The following LRRC74A variants were observed in gnomAD, a reference collection of about 807,000 sequenced individuals.
LRRC74A encodes the protein leucine rich repeat containing 74A, also known as leucine-rich repeat-containing protein 74A.
LRRC74A carries 44 observed loss-of-function variants against 57.9 expected under a neutral mutation model. The ratio of observed to expected loss-of-function variants is 0.76; its 90% CI spans 0.60 to 0.98. The LOEUF (loss-of-function observed/expected upper bound fraction) is 0.98. LRRC74A is among the 50% of genes least tolerant of loss of function. LRRC74A has a pLI of 0.00. For missense variants in LRRC74A, 572 were observed against 574.0 expected (o/e 1.00, Z 0.04); for synonymous variants, 211 against 219.4 (o/e 0.96, Z 0.34).
chr14:76,857,322 T>C, intron 9 of LRRC74A, 58 bp from the exon 10 acceptor site: 1 of 1,099,994 alleles, frequency 9.1e-7, no homozygotes, highest in Non-Finnish European at 1.4e-6. Context: ...GAAACTGTGC[T>C]CTGGGCCAGC....
chr14:76,843,466 C>T (rs928549667), intron 5 of LRRC74A, among the ~76,000 whole-genome samples: 2 of 152,070 alleles, frequency 1.3e-5, no homozygotes, highest in African/African-American at 4.8e-5. Flanking sequence ...GTGTCCCAGT[C>T]CTGCTGCTTG....
Position 76,844,827 on chromosome 14 carries a change from A to C in LRRC74A, c.602A>C (p.Tyr201Ser), listed in dbSNP as rs761999961. The C allele has an allele frequency of 6.4e-7, 1 of 1,561,130 alleles. No homozygotes were observed. Among genetic ancestry groups the C allele is most frequent in the Non-Finnish European group, 8.8e-7 (1 of 1,132,148 alleles). Residue 201 changes from tyrosine to serine, a missense_variant, in exon 7 of 14, where the codon TAC becomes TCC. Transcript: ENST00000689127. Reference protein sequence around the residue: ...ALLCQALSTNYQIKKLDLSHN... With the variant: ...ALLCQALSTNSQIKKLDLSHN... ...CCCTGTTTGTTTCTGTAGACCAATTACCAAATTAAAAAGCTGGATCTCAGT... is the reference window on the plus strand; with the variant it reads ...CCCTGTTTGTTTCTGTAGACCAATTCCCAAATTAAAAAGCTGGATCTCAGT...
intron 5 of LRRC74A, among the ~76,000 whole-genome samples, chr14:76,840,685 A>G (rs979235164): frequency 6.7e-6 from 1 of 148,488 alleles, no homozygotes; most frequent in Admixed American, 6.8e-5. Context: ...CGGGGTTCAC[A>G]CCATTCTCCT....
At chr14:76,840,102 G>T (rs1482859761) in intron 5 of LRRC74A, among the ~76,000 whole-genome samples, 2 of 151,958 alleles carry the variant, frequency 1.3e-5, no homozygotes, top group Non-Finnish European at 2.9e-5. Flanking sequence ...TTTCCTTTAT[G>T]TATTTAATTT....
chr14:76,853,179 A>T (rs772949075), intron 8 of LRRC74A, 37 bp from the exon 9 acceptor site: 3 of 1,558,368 alleles, frequency 1.9e-6, no homozygotes, highest in Non-Finnish European at 2.6e-6. Flanking sequence ...GTCACGCGTA[A>T]CCTTGATGCT....
At chr14:76,860,630 C>T in intron 10 of LRRC74A, 63 bp from the exon 11 acceptor site, 8 of 1,464,568 alleles carry the variant, frequency 5.5e-6, no homozygotes, top group Non-Finnish European at 7.4e-6. Flanking sequence ...GTAGGGTGCA[C>T]TGGTTGGGCA....
intron 10 of LRRC74A, 128 bp downstream of exon 10, chr14:76,857,603 G>A: frequency 3.1e-6 from 2 of 646,794 alleles, no homozygotes; most frequent in South Asian, 1.8e-5. Flanking sequence ...CTCCATGAAA[G>A]GGTCACTTCT....
chr14:76,863,505 G>T (rs147950746), intron 11 of LRRC74A, among the ~76,000 whole-genome samples: 1 of 152,066 alleles, frequency 6.6e-6, no homozygotes, highest in Non-Finnish European at 1.5e-5. Flanking sequence ...CCGTTCTCAG[G>T]TCTCTACACA....
intron 8 of LRRC74A, among the ~76,000 whole-genome samples, chr14:76,852,722 G>A (rs1054376358): frequency 7.3e-5 from 11 of 150,946 alleles, no homozygotes; most frequent in Non-Finnish European, 1.2e-4. Flanking sequence ...TGGTTCAAGC[G>A]ATTCTCCTGC....
Position 76,834,364 on chromosome 14 carries a change from G to A in LRRC74A, c.340-1843G>A, listed in dbSNP as rs1170851569. On this transcript the variant is annotated intron_variant, in intron 3 of 13. Transcript: ENST00000689127. ...GGACCACTTGTTTCGTAGTAACAGC[G>A]GTTTCTGTTTGAGGGGAGTTTCTTC... Among the ~76,000 whole-genome samples the A allele has an allele frequency of 4.6e-5, 7 of 152,244 alleles. No homozygotes were observed. The South Asian group carries it at 8.3e-4, about 18-fold the overall frequency.
chr14:76,842,784 T>A (rs1354624742), intron 5 of LRRC74A, among the ~76,000 whole-genome samples: 2 of 152,152 alleles, frequency 1.3e-5, no homozygotes, highest in Non-Finnish European at 2.9e-5. Flanking sequence ...TAAGGCTCTA[T>A]GTCATGTACT....
Position 76,826,722 on chromosome 14 carries a change from C to T in LRRC74A, c.25C>T (p.Pro9Ser). MDNDKPLQ[P>S]ETEDEIEIEP... Reference sequence around the variant, plus strand: ...CATGGACAATGACAAGCCTCTTCAGCCTGAGACAGAAGGTGAAAGGGCATC... The same window carrying T: ...CATGGACAATGACAAGCCTCTTCAGTCTGAGACAGAAGGTGAAAGGGCATC... Residue 9 changes from proline to serine, a missense_variant, in exon 1 of 14, where the codon CCT becomes TCT. Pro to Ser is a moderately conservative substitution (Grantham distance 74). Transcript: ENST00000689127. 1 of 1,526,680 alleles carries T rather than the reference C, an allele frequency of 6.6e-7. No homozygotes were observed. Among genetic ancestry groups the T allele is most frequent in the Non-Finnish European group, 8.8e-7 (1 of 1,138,532 alleles). 94.6% of individuals were successfully genotyped at this position (1,526,680 alleles called of 1,614,324 possible).
chr14:76,870,077 A>G, intron 13 of LRRC74A, 48 bp from the exon 14 acceptor site: 3 of 1,588,512 alleles, frequency 1.9e-6, no homozygotes, highest in Non-Finnish European at 1.7e-6. Flanking sequence ...CCCATCAGCC[A>G]TGAGGCTGTA....
At chr14:76,853,830 GC>G (rs1566736128) in intron 9 of LRRC74A, among the ~76,000 whole-genome samples, 3 of 152,058 alleles carry the variant, frequency 2.0e-5, no homozygotes, top group Admixed American at 2.0e-4. Flanking sequence ...TTGGCTCACT[GC>G]AACCTCCGCC....
In LRRC74A at chr14:76,826,565, TCCCCTGGGATGC is replaced by T; in HGVS notation, c.-128_-117del. 1 of 1,612,438 alleles carries T rather than the reference TCCCCTGGGATGC, an allele frequency of 6.2e-7. No individual in the cohort carries two copies. The highest frequency in any genetic ancestry group is 8.5e-7 in the Non-Finnish European group (1 of 1,179,322). On this transcript the variant is annotated 5_prime_UTR_variant, in exon 1 of 14. It removes an upstream start codon present in the reference 5' UTR. Transcript: ENST00000689127. Reference sequence around the variant, plus strand: ...CTGGGAGGGAAGGATAACTGCAGGCTCCCCTGGGATGCCCCCAGGTGAGGGAAGTTCACAGAG... The same window carrying T: ...CTGGGAGGGAAGGATAACTGCAGGCTCCCCAGGTGAGGGAAGTTCACAGAG...
Position 76,865,936 on chromosome 14 carries a change from TGTTTGCTC to T in LRRC74A, c.1201-31_1201-24del, listed in dbSNP as rs1898749789. ...CTGCGATCGTTGTTACAAGACCAAG[TGTTTGCTC>T]CTGGTCTCTCCTGCTTCTCTCAGAG... is the stretch of plus-strand genomic sequence containing the variant. On this transcript the variant is annotated intron_variant, in intron 11 of 13. Coordinates refer to ENST00000689127, the MANE Select transcript of LRRC74A (RefSeq NM_001385106.1). 2.1e-6 allele frequency: 3 copies of T among 1,452,044 alleles called. No individual in the cohort carries two copies. In the African/African-American group the frequency reaches 4.2e-5, roughly 20 times the overall value. 89.9% of individuals were successfully genotyped at this position (1,452,044 alleles called of 1,614,324 possible).
At chr14:76,862,932 C>A (rs10135146) in intron 11 of LRRC74A, among the ~76,000 whole-genome samples, 3,675 of 152,188 alleles carry the variant, frequency 0.024, 154 homozygotes, top group African/African-American at 0.084. Context: ...CCGGTGAGAG[C>A]TGCTGGGCAG....
At chr14:76,848,566 C>T (rs1428653046) in intron 7 of LRRC74A, among the ~76,000 whole-genome samples, 1 of 152,086 alleles carries the variant, frequency 6.6e-6, no homozygotes, top group African/African-American at 2.4e-5. Flanking sequence ...GAGACCCTGT[C>T]CTCCAAAAAG....
At chr14:76,848,130 G>T (rs1320851687) in intron 7 of LRRC74A, among the ~76,000 whole-genome samples, 1 of 147,614 alleles carries the variant, frequency 6.8e-6, no homozygotes, top group Non-Finnish European at 1.5e-5. Flanking sequence ...ATGAGATCCT[G>T]GGGTGGGGGG....
Sources: allele counts gnomAD v4.1 joint callset (sites outside exome capture counted in the v4.1 genomes callset), GRCh38; gene constraint gnomAD v4.1.1; transcripts MANE v1.5; gene names NCBI Gene and HGNC (gene_info 2026-07-23, HGNC 2026-07-21).